Variants in AP3B1 observed in about 807,000 individuals in gnomAD.
AP3B1 encodes AP-3 complex subunit beta-1.
In AP3B1, 61 loss-of-function variants were observed where a neutral mutation model predicts 132.5. The observed-to-expected ratio is 0.46, with a 90% confidence interval of 0.37 to 0.57. AP3B1 has a LOEUF of 0.57. AP3B1 is among the 20% of genes least tolerant of loss of function. The probability of loss-of-function intolerance (pLI) is 0.00; values close to 1 mark genes in which losing one functional copy is unlikely to be tolerated. For synonymous variants in AP3B1, 388 were observed against 438.3 expected (o/e 0.89, Z 1.43); for missense variants, 1,120 against 1,289.4 (o/e 0.87, Z 2.01).
chr5:78,139,948 G>A (rs766677612), intron 15 of AP3B1, among the ~76,000 whole-genome samples: 4 of 151,438 alleles, frequency 2.6e-5, no homozygotes, highest in African/African-American at 9.7e-5. Context: ...AGGGGAGGTG[G>A]AGAAAAAAAA....
chr5:78,274,554 G>A (rs552077200), intron 1 of AP3B1, among the ~76,000 whole-genome samples: 2 of 152,026 alleles, frequency 1.3e-5, no homozygotes, highest in East Asian at 1.9e-4. Context: ...AGAAAAAAAG[G>A]ACAAACATAA....
chr5:78,181,602 T>G lies in AP3B1; in HGVS notation c.847A>C (p.Lys283Gln), dbSNP rs764576239. The G allele has an allele frequency of 6.2e-7, 1 of 1,612,614 alleles. No homozygotes were observed. Among genetic ancestry groups the G allele is most frequent in the African/African-American group, 1.3e-5 (1 of 74,964 alleles). Residue 283 changes from lysine to glutamine, a missense_variant, in exon 8 of 27, where the codon AAG (lysine) becomes CAG (glutamine). Coordinates refer to ENST00000255194, the MANE Select transcript of AP3B1 (RefSeq NM_003664.5). ...FYESDDDQKE[K>Q]TDKKKKPYTM... ...TACGGCTTCTTCTTTTTGTCAGTCT[T>G]TTCCTTCTGATCATCATCAGATTCG... is the stretch of plus-strand genomic sequence containing the variant.
chr5:78,230,998 T>C (rs903384741), intron 3 of AP3B1, among the ~76,000 whole-genome samples: 1 of 151,618 alleles, frequency 6.6e-6, no homozygotes, highest in African/African-American at 2.4e-5. Context: ...CCCATGCCTG[T>C]AATCCCAGCT....
At chr5:78,140,538 A>G (rs1753100658) in intron 15 of AP3B1, among the ~76,000 whole-genome samples, 1 of 152,206 alleles carries the variant, frequency 6.6e-6, no homozygotes, top group African/African-American at 2.4e-5. Flanking sequence ...ACATGGCAGA[A>G]GCAGCAAGCT....
At chr5:78,068,978 T>C (rs1345975087) in intron 22 of AP3B1, among the ~76,000 whole-genome samples, 1 of 152,138 alleles carries the variant, frequency 6.6e-6, no homozygotes, top group East Asian at 1.9e-4. Context: ...ACATAATTCA[T>C]CACATAAATA....
chr5:78,069,422 TG>T (rs1156619821), intron 22 of AP3B1, among the ~76,000 whole-genome samples: 1 of 152,166 alleles, frequency 6.6e-6, no homozygotes, highest in Admixed American at 6.5e-5. Flanking sequence ...ACAAAATCAA[TG>T]TGCAAGAATC....
intron 3 of AP3B1, among the ~76,000 whole-genome samples, chr5:78,230,474 C>G (rs1746599344): frequency 6.6e-6 from 1 of 152,186 alleles, no homozygotes; most frequent in East Asian, 1.9e-4. Flanking sequence ...TCCAATTACT[C>G]TTCAATGTTG....
At chr5:78,063,203 C>T (rs1229153912) in intron 22 of AP3B1, among the ~76,000 whole-genome samples, 1 of 152,180 alleles carries the variant, frequency 6.6e-6, no homozygotes, top group African/African-American at 2.4e-5. Flanking sequence ...TTCTCCAGCA[C>T]TTGTCAGCTT....
At chr5:78,126,544 A>G (rs1205631863) in intron 17 of AP3B1, among the ~76,000 whole-genome samples, 1 of 150,548 alleles carries the variant, frequency 6.6e-6, no homozygotes, top group Non-Finnish European at 1.5e-5. Flanking sequence ...TTGCACAAAT[A>G]AGGCAACTCT....
chr5:78,256,398 CAATA>C (rs1747848713), intron 2 of AP3B1, among the ~76,000 whole-genome samples: 1 of 151,836 alleles, frequency 6.6e-6, no homozygotes, highest in East Asian at 1.9e-4. Flanking sequence ...CCATATATGC[CAATA>C]AATTGGAAAA....
chr5:78,118,811 G>T (rs189163745), intron 17 of AP3B1, among the ~76,000 whole-genome samples: 2 of 152,326 alleles, frequency 1.3e-5, no homozygotes, highest in South Asian at 4.1e-4. Flanking sequence ...CTGTCTGACA[G>T]CTTTGAAGAG....
rs140532907 is a variant in AP3B1 at position 78,115,496 on chromosome 5, T to G, written c.2077+630A>C. Among the ~76,000 whole-genome samples the G allele has an allele frequency of 9.7e-4, 147 of 152,320 alleles. 1 individual carries two copies. In the East Asian group the frequency reaches 0.025, roughly 26 times the overall value. On this transcript the variant is annotated intron_variant, in intron 18 of 26. Transcript: ENST00000255194. ...CAGAATTTTAGCAATGAAGGGACTT[T>G]AAGAAATATTTAACTGTACCCCTTC...
chr5:78,129,360 T>C (rs1389874658), intron 15 of AP3B1, 53 bp from the exon 16 acceptor site: 1 of 1,370,728 alleles, frequency 7.3e-7, no homozygotes, highest in Non-Finnish European at 1.0e-6. Context: ...TGATTATCGA[T>C]AACTCTGGAT....
chr5:78,198,511 G>A (rs1299391292), intron 7 of AP3B1, among the ~76,000 whole-genome samples: 1 of 152,064 alleles, frequency 6.6e-6, no homozygotes, highest in Admixed American at 6.6e-5. Context: ...TCTTAGAAGG[G>A]CACTAATCCC....
rs567601713 is a variant in AP3B1 at position 78,250,364 on chromosome 5, C to T, written c.205-9428G>A. Among the ~76,000 whole-genome samples, 5 of 152,262 alleles carry T rather than the reference C, an allele frequency of 3.3e-5. No individual in the cohort carries two copies. The South Asian group carries it at 1.0e-3, about 32-fold the overall frequency. ...TTAATGAAGACGTACCAATTAAAGA[C>T]AGAGGGAAGAGTGCTCTCAGGCTCC... On this transcript the variant is annotated intron_variant, in intron 2 of 26. Transcript: ENST00000255194.
chr5:78,198,594 T>C (rs1173428216), intron 7 of AP3B1, among the ~76,000 whole-genome samples: 1 of 152,166 alleles, frequency 6.6e-6, no homozygotes, highest in Non-Finnish European at 1.5e-5. Flanking sequence ...ACCTGAGGCA[T>C]TGCCTTTAAG....
At chr5:78,072,301 C>A (rs1027682201) in intron 22 of AP3B1, among the ~76,000 whole-genome samples, 4 of 152,134 alleles carry the variant, frequency 2.6e-5, no homozygotes, top group Admixed American at 2.6e-4. Context: ...AGAAAACATA[C>A]AATATTATCA....
intron 14 of AP3B1, among the ~76,000 whole-genome samples, chr5:78,150,641 T>C (rs1259541372): frequency 6.6e-6 from 1 of 152,208 alleles, no homozygotes; most frequent in Non-Finnish European, 1.5e-5. Context: ...CTAATACCTA[T>C]AATAATACTA....
In AP3B1 at chr5:78,162,940, T is replaced by C. The variant is rs1215150442; in HGVS notation, c.1242A>G (p.Lys414=). The change falls in exon 13 of 27, where the codon AAA becomes AAG. Residue 414 remains lysine, a synonymous_variant. Transcript: ENST00000255194. ...CTGCTGCAAATTGTTTATCCTGGCT[T>C]TTCACATAGGTCTAAAAGATATTAT... ...TLLREFQTYV[K]SQDKQFAAAT... The C allele has an allele frequency of 6.2e-7, 1 of 1,613,844 alleles. No individual in the cohort carries two copies. The highest frequency in any genetic ancestry group is 1.7e-5 in the Admixed American group (1 of 60,026).
Sources: allele counts gnomAD v4.1 joint callset (sites outside exome capture counted in the v4.1 genomes callset), GRCh38; gene constraint gnomAD v4.1.1; transcripts MANE v1.5; gene names NCBI Gene and HGNC (gene_info 2026-07-23, HGNC 2026-07-21).